Variants in HRH2 observed in about 807,000 individuals in gnomAD.
HRH2 encodes histamine receptor H2, also known as histamine H2 receptor.
In HRH2, 4 loss-of-function variants were observed where a neutral mutation model predicts 20.1. That is an observed-to-expected ratio of 0.20 (90% confidence interval 0.10 to 0.45). The LOEUF (loss-of-function observed/expected upper bound fraction) is 0.45. Among genes scored for constraint, HRH2 ranks in the 20% least tolerant of loss-of-function variants. HRH2 has a pLI of 0.99. For synonymous variants in HRH2, 197 were observed against 200.7 expected, an observed-to-expected ratio of 0.98 and a Z score of 0.16; for missense variants, 250 against 461.6, an observed-to-expected ratio of 0.54 and a Z score of 4.20.
intron 1 of HRH2, among the ~76,000 whole-genome samples, chr5:175,659,661 C>T (rs1174680348): frequency 6.6e-6 from 1 of 152,156 alleles, no homozygotes; most frequent in Non-Finnish European, 1.5e-5. Context: ...GGTCTGCCCG[C>T]CTCCAGGGTG....
chr5:175,707,730 G>C (rs912287238), intron 2 of HRH2, 49 bp from the exon 3 acceptor site: 17 of 117,202 alleles, frequency 1.5e-4, no homozygotes, highest in Admixed American at 1.3e-3. Flanking sequence ...GTCTGCCCCC[G>C]CCTTGCTCTG....
At chr5:175,697,915 A>C (rs969836914) in intron 2 of HRH2, among the ~76,000 whole-genome samples, 2 of 152,106 alleles carry the variant, frequency 1.3e-5, no homozygotes, top group Admixed American at 1.3e-4. Context: ...AACACCCCTC[A>C]TGGCAACAGG....
chr5:175,693,551 G>A lies in HRH2; in HGVS notation c.1076+9242G>A, dbSNP rs1272429757. On this transcript the variant is annotated intron_variant, in intron 2 of 2. Transcript: ENST00000636584. The surrounding 1 kb of genome is among the most constrained non-coding windows in gnomAD (Gnocchi z 4.4). Reference sequence around the variant, plus strand: ...ATCCCTTTGTTACCCAGGGTGGGTGGACTGGCTGTCCCCAGTGCCCAGAGG... The same window carrying A: ...ATCCCTTTGTTACCCAGGGTGGGTGAACTGGCTGTCCCCAGTGCCCAGAGG... Among the ~76,000 whole-genome samples the A allele has an allele frequency of 6.6e-6, 1 of 152,200 alleles. No homozygotes were observed. Among genetic ancestry groups the A allele is most frequent in the African/African-American group, 2.4e-5 (1 of 41,442 alleles).
At chr5:175,701,240 A>G (rs1756779704) in intron 2 of HRH2, among the ~76,000 whole-genome samples, 1 of 152,188 alleles carries the variant, frequency 6.6e-6, no homozygotes, top group South Asian at 2.1e-4. Flanking sequence ...ATATTATAAC[A>G]CGGTCCATGT....
At chr5:175,682,688 A>G (rs1026674019) in intron 1 of HRH2, 21 bp from the exon 2 acceptor site, 3 of 155,364 alleles carry the variant, frequency 1.9e-5, no homozygotes, top group African/African-American at 7.2e-5. Flanking sequence ...GGTGCTTAAC[A>G]TCCAACCTTT....
chr5:175,670,725 A>G (rs765795225), intron 1 of HRH2, among the ~76,000 whole-genome samples: 14 of 152,382 alleles, frequency 9.2e-5, no homozygotes, highest in Non-Finnish European at 1.6e-4. Context: ...TGAGCCCACC[A>G]GAGACCCTTG....
intron 2 of HRH2, among the ~76,000 whole-genome samples, chr5:175,698,341 G>T (rs1191598835): frequency 1.3e-5 from 2 of 152,208 alleles, no homozygotes; most frequent in Non-Finnish European, 2.9e-5. Flanking sequence ...GTCACAGTGG[G>T]AGAGAATCAT....
intron 2 of HRH2, among the ~76,000 whole-genome samples, chr5:175,685,037 A>C (rs1756122030): frequency 6.6e-6 from 1 of 152,190 alleles, no homozygotes; most frequent in Non-Finnish European, 1.5e-5. Context: ...GCACTGACTC[A>C]TGAGAGAGGA....
At chr5:175,700,277 G>A (rs17065340) in intron 2 of HRH2, among the ~76,000 whole-genome samples, 11,964 of 152,272 alleles carry the variant, frequency 0.079, 1,461 homozygotes, top group African/African-American at 0.26. Context: ...AGTGGGTACC[G>A]GCTACCGGAG....
At chr5:175,696,836 G>C (rs2113549303) in intron 2 of HRH2, among the ~76,000 whole-genome samples, 1 of 152,342 alleles carries the variant, frequency 6.6e-6, no homozygotes, top group South Asian at 2.1e-4. Context: ...CCGCCCCATG[G>C]GGTTGGGGTG....
At chr5:175,690,006 G>C (rs1756308537) in intron 2 of HRH2, among the ~76,000 whole-genome samples, 1 of 152,252 alleles carries the variant, frequency 6.6e-6, no homozygotes, top group African/African-American at 2.4e-5. Context: ...CTGAAGAAGA[G>C]CTGTTGCCCA....
intron 1 of HRH2, among the ~76,000 whole-genome samples, chr5:175,664,125 CT>C (rs991407141): frequency 6.6e-6 from 1 of 152,230 alleles, no homozygotes. Context: ...CAGCTTTGAC[CT>C]GCCACCCAAC....
At chr5:175,676,736 A>C (rs1256563888) in intron 1 of HRH2, among the ~76,000 whole-genome samples, 4 of 151,810 alleles carry the variant, frequency 2.6e-5, no homozygotes, top group Non-Finnish European at 4.4e-5. Context: ...CCACCTCCTC[A>C]CCCTTCAGAG....
chr5:175,676,359 C>T (rs965028137), intron 1 of HRH2, among the ~76,000 whole-genome samples: 4 of 152,244 alleles, frequency 2.6e-5, no homozygotes, highest in Admixed American at 6.5e-5. Context: ...TGCTTGCTAC[C>T]GCCCTCAGAG....
At chr5:175,703,985 A>C (rs1756865307) in intron 2 of HRH2, 1 of 152,182 alleles carries the variant, frequency 6.6e-6, no homozygotes, top group South Asian at 2.1e-4. Flanking sequence ...ATGCAAATTC[A>C]TGAGAATTCC....
intron 1 of HRH2, among the ~76,000 whole-genome samples, chr5:175,661,278 G>T (rs1401557478): frequency 6.7e-6 from 1 of 149,170 alleles, no homozygotes; most frequent in Non-Finnish European, 1.5e-5. Flanking sequence ...CCAGCACACA[G>T]GATGTCTCCT....
chr5:175,658,851 T>G (rs1762650362), intron 1 of HRH2, among the ~76,000 whole-genome samples: 1 of 152,094 alleles, frequency 6.6e-6, no homozygotes, highest in African/African-American at 2.4e-5. Flanking sequence ...GGCAGTGACC[T>G]TGAGCTTGAG....
chr5:175,686,912 C>T lies in HRH2; in HGVS notation c.1076+2603C>T, dbSNP rs535869356. Reference sequence around the variant, plus strand: ...CCTGCCGCAGACTGTCCTCCAGGCTCCCGGCATGCTGCAGGGTATGAGTGT... The same window carrying T: ...CCTGCCGCAGACTGTCCTCCAGGCTTCCGGCATGCTGCAGGGTATGAGTGT... On this transcript the variant is annotated intron_variant, in intron 2 of 2. Transcript: ENST00000636584. This position sits in a 1 kb window ranked among gnomAD's most constrained non-coding sequence, Gnocchi z 4.7. Among the ~76,000 whole-genome samples, 1 of 152,214 alleles carries T rather than the reference C, an allele frequency of 6.6e-6. No individual in the cohort carries two copies. Among genetic ancestry groups the T allele is most frequent in the African/African-American group, 2.4e-5 (1 of 41,460 alleles).
At chr5:175,674,750 A>C (rs1755698906) in intron 1 of HRH2, among the ~76,000 whole-genome samples, 1 of 152,160 alleles carries the variant, frequency 6.6e-6, no homozygotes, top group Admixed American at 6.5e-5. Flanking sequence ...GACTGAGAAG[A>C]AATAAAGGGG....
Sources: gnomAD v4.1 joint callset for allele counts (sites outside exome capture counted in the v4.1 genomes callset) on GRCh38, gnomAD v4.1.1 for gene constraint, Gnocchi (gnomAD v3.1) non-coding constraint, MANE v1.5 for transcripts, NCBI Gene and HGNC (gene_info 2026-07-23, HGNC 2026-07-21) for gene names.